PCDH9: variants seen among roughly 807,000 people sequenced by gnomAD.
PCDH9 encodes protocadherin-9.
PCDH9 carries 24 observed loss-of-function variants against 70.6 expected under a neutral mutation model. That is an observed-to-expected ratio of 0.34 (90% confidence interval 0.25 to 0.48). The LOEUF (loss-of-function observed/expected upper bound fraction) is 0.48, where lower values mean the gene tolerates loss of function less well. Among genes scored for constraint, PCDH9 ranks in the 20% least tolerant of loss-of-function variants. PCDH9 has a pLI of 0.99. For missense variants in PCDH9, 1,281 were observed against 1,503.6 expected, an observed-to-expected ratio of 0.85 and a Z score of 2.45; for synonymous variants, 562 against 558.5, an observed-to-expected ratio of 1.01 and a Z score of -0.09.
At chr13:66,305,659 C>T (rs1373836007) in intron 4 of PCDH9, among the ~76,000 whole-genome samples, 1 of 151,986 alleles carries the variant, frequency 6.6e-6, no homozygotes, top group African/African-American at 2.4e-5. Flanking sequence ...TTACTAACAA[C>T]ACACCTGGTC....
At chr13:66,367,215 A>G (rs1182751052) in intron 4 of PCDH9, among the ~76,000 whole-genome samples, 2 of 151,718 alleles carry the variant, frequency 1.3e-5, no homozygotes, top group African/African-American at 4.9e-5. Flanking sequence ...GCAACATTTT[A>G]TTTTTCTAAT....
intron 2 of PCDH9, among the ~76,000 whole-genome samples, chr13:66,926,270 G>A (rs2082716410): frequency 6.6e-6 from 1 of 151,992 alleles, no homozygotes; most frequent in South Asian, 2.1e-4. Flanking sequence ...AAGCTGCAAT[G>A]CCTGCAAGGT....
At chr13:66,590,520 A>T (rs1162452941) in intron 4 of PCDH9, among the ~76,000 whole-genome samples, 1 of 151,962 alleles carries the variant, frequency 6.6e-6, no homozygotes, top group Non-Finnish European at 1.5e-5. Flanking sequence ...GGGACAAAAA[A>T]TCCACATGCT....
At chr13:67,048,803 G>A (rs756549106) in intron 2 of PCDH9, among the ~76,000 whole-genome samples, 5 of 152,176 alleles carry the variant, frequency 3.3e-5, no homozygotes, top group Non-Finnish European at 1.5e-5. Flanking sequence ...ACACGGTTTT[G>A]CACACAGTAG....
intron 4 of PCDH9, among the ~76,000 whole-genome samples, chr13:66,547,898 A>G (rs947098509): frequency 7.4e-6 from 1 of 134,578 alleles, no homozygotes; most frequent in African/African-American, 2.6e-5. Context: ...TAATCATATT[A>G]TTATATAATA....
intron 2 of PCDH9, among the ~76,000 whole-genome samples, chr13:66,907,165 C>T (rs1241262172): frequency 6.6e-6 from 1 of 152,114 alleles, no homozygotes; most frequent in Middle Eastern, 3.2e-3. Context: ...GACTGCACCA[C>T]TGCACTCCAG....
Position 66,900,147 on chromosome 13 carries a change from G to C in PCDH9, c.3138+3357C>G, listed in dbSNP as rs2082254195. ...TTTTTTGTTTGTTTGCTGTTACTTAGATAATATCATGGCATAGTTATCTTT... is the reference window on the plus strand; with the variant it reads ...TTTTTTGTTTGTTTGCTGTTACTTACATAATATCATGGCATAGTTATCTTT... On this transcript the variant is annotated intron_variant, in intron 3 of 4. Transcript: ENST00000377865. Among the ~76,000 whole-genome samples the C allele has an allele frequency of 5.9e-5, 9 of 151,978 alleles. 2 individuals carry two copies. In the South Asian group the frequency reaches 1.9e-3, roughly 32 times the overall value.
intron 4 of PCDH9, among the ~76,000 whole-genome samples, chr13:66,322,058 G>A (rs1285965792): frequency 6.6e-6 from 1 of 151,582 alleles, no homozygotes; most frequent in African/African-American, 2.4e-5. Context: ...ATGCATGGGG[G>A]GGGTGTGATT....
At chr13:67,216,388 C>T (rs141546912) in intron 2 of PCDH9, 2 of 151,650 alleles carry the variant, frequency 1.3e-5, no homozygotes, top group South Asian at 2.1e-4. Flanking sequence ...AATTTTGATA[C>T]CTATTTAAGT....
intron 2 of PCDH9, among the ~76,000 whole-genome samples, chr13:67,192,848 G>A (rs2088955074): frequency 6.6e-6 from 1 of 152,088 alleles, no homozygotes. Context: ...TTTGCCAGAA[G>A]CACATGTAAA....
At chr13:66,880,348 C>T (rs756157999) in intron 3 of PCDH9, among the ~76,000 whole-genome samples, 1 of 152,104 alleles carries the variant, frequency 6.6e-6, no homozygotes, top group Non-Finnish European at 1.5e-5. Context: ...AAGACATCAT[C>T]ATTTGTGAAT....
At chr13:66,705,582 T>G (rs1045554737) in intron 3 of PCDH9, among the ~76,000 whole-genome samples, 2 of 152,168 alleles carry the variant, frequency 1.3e-5, no homozygotes, top group Admixed American at 1.3e-4. Flanking sequence ...ATAAATAAAT[T>G]TATGTTTCAC....
At chr13:66,520,509 A>C (rs1959941990) in intron 4 of PCDH9, among the ~76,000 whole-genome samples, 1 of 152,176 alleles carries the variant, frequency 6.6e-6, no homozygotes, top group African/African-American at 2.4e-5. Flanking sequence ...CCACATGAAA[A>C]CCTGTGATGC....
At chr13:66,812,853 T>C (rs1339853592) in intron 3 of PCDH9, among the ~76,000 whole-genome samples, 1 of 152,188 alleles carries the variant, frequency 6.6e-6, no homozygotes, top group Non-Finnish European at 1.5e-5. Context: ...AGTGGTAACC[T>C]CATGACCTGA....
intron 4 of PCDH9, among the ~76,000 whole-genome samples, chr13:66,411,361 A>G (rs1444437738): frequency 6.6e-6 from 1 of 152,194 alleles, no homozygotes; most frequent in Non-Finnish European, 1.5e-5. Flanking sequence ...ATCACAGCTC[A>G]CTGCAGCCTC....
chr13:66,551,778 G>A (rs1390259683), intron 4 of PCDH9, among the ~76,000 whole-genome samples: 22 of 152,100 alleles, frequency 1.4e-4, no homozygotes, highest in Middle Eastern at 3.4e-3. Flanking sequence ...TTAAAACCAC[G>A]TAGAATAATT....
intron 2 of PCDH9, among the ~76,000 whole-genome samples, chr13:67,099,252 G>C (rs911424555): frequency 6.6e-6 from 1 of 152,160 alleles, no homozygotes; most frequent in Non-Finnish European, 1.5e-5. Context: ...TTGTAACTAC[G>C]TCTGGTTTGA....
intron 2 of PCDH9, among the ~76,000 whole-genome samples, chr13:67,157,549 G>A (rs1243387689): frequency 6.6e-6 from 1 of 152,140 alleles, no homozygotes; most frequent in Non-Finnish European, 1.5e-5. Context: ...CCTGTGCAGT[G>A]GGTGAACTGT....
intron 2 of PCDH9, among the ~76,000 whole-genome samples, chr13:67,110,264 C>T (rs2086631084): frequency 6.6e-6 from 1 of 151,548 alleles, no homozygotes; most frequent in Non-Finnish European, 1.5e-5. Flanking sequence ...TGGCTGACAC[C>T]TGTAATCCCA....
Sources: allele counts gnomAD v4.1 joint callset (sites outside exome capture counted in the v4.1 genomes callset), GRCh38; gene constraint gnomAD v4.1.1; transcripts MANE v1.5; gene names NCBI Gene and HGNC (gene_info 2026-07-23, HGNC 2026-07-21).